The following FILIP1L variants were observed in gnomAD, a reference collection of about 807,000 sequenced individuals.
The protein encoded by FILIP1L is filamin A-interacting protein 1-like.
A neutral mutation model predicts 96.6 loss-of-function variants in FILIP1L; 55 were observed. The ratio of observed to expected loss-of-function variants is 0.57; its 90% CI spans 0.46 to 0.71. The LOEUF (loss-of-function observed/expected upper bound fraction) is 0.71, where lower values mean the gene tolerates loss of function less well. Among genes scored for constraint, FILIP1L ranks in the 30% least tolerant of loss-of-function variants. FILIP1L has a pLI of 0.00. For missense variants in FILIP1L, 1,304 were observed against 1,321.2 expected, an observed-to-expected ratio of 0.99 and a Z score of 0.20; for synonymous variants, 467 against 473.9, an observed-to-expected ratio of 0.99 and a Z score of 0.19.
intron 5 of FILIP1L, among the ~76,000 whole-genome samples, chr3:99,838,561 A>G (rs931146023): frequency 1.1e-4 from 17 of 152,174 alleles, no homozygotes; most frequent in African/African-American, 3.9e-4. Context: ...ACAAGGAGGT[A>G]ACATTAGACA....
chr3:100,021,915 TTGTGTGTGTGTGTGTGTG>T (rs61704772), intron 1 of FILIP1L, among the ~76,000 whole-genome samples: 1 of 105,958 alleles, frequency 9.4e-6, no homozygotes, highest in African/African-American at 4.0e-5. Flanking sequence ...CTAGATCCCA[TTGTGTGTGTGTGTGTGTG>T]TGTGTGTGTG....
At chr3:99,876,088 GGGGCCGGGCGGGGGCC>G in intron 4 of FILIP1L, 1 of 986,232 alleles carries the variant, frequency 1.0e-6, no homozygotes, top group Non-Finnish European at 1.2e-6. Flanking sequence ...TGCCTGCGCC[GGGGCCGGGCGGGGGCC>G]GGGCCGGGGC....
intron 1 of FILIP1L, among the ~76,000 whole-genome samples, chr3:100,021,423 G>T (rs545739217): frequency 6.6e-6 from 1 of 152,292 alleles, no homozygotes; most frequent in South Asian, 2.1e-4. Context: ...ACAGCATTAA[G>T]CAAGACACTT....
At chr3:100,058,481 C>A (rs547208536) in intron 1 of FILIP1L, among the ~76,000 whole-genome samples, 1 of 152,324 alleles carries the variant, frequency 6.6e-6, no homozygotes, top group East Asian at 1.9e-4. Flanking sequence ...ACAAGCTTCC[C>A]ATTGATGACC....
chr3:99,988,455 T>G (rs1295463763), intron 1 of FILIP1L, among the ~76,000 whole-genome samples: 5 of 133,830 alleles, frequency 3.7e-5, no homozygotes, highest in African/African-American at 1.5e-4. Context: ...GAGGTTGCAG[T>G]GAGCCGAGAT....
At chr3:99,884,172 C>G (rs1311512963) in intron 4 of FILIP1L, among the ~76,000 whole-genome samples, 1 of 152,122 alleles carries the variant, frequency 6.6e-6, no homozygotes, top group African/African-American at 2.4e-5. Context: ...GGGAAAAGCT[C>G]AAGCCAGAAT....
At chr3:100,019,246 G>A (rs748037099) in intron 1 of FILIP1L, among the ~76,000 whole-genome samples, 1 of 152,158 alleles carries the variant, frequency 6.6e-6, no homozygotes, top group African/African-American at 2.4e-5. Context: ...TCTAGTTTCA[G>A]CTACTCGGGA....
At chr3:99,833,342 T>G (rs2107489015) in intron 5 of FILIP1L, 3 of 1,237,794 alleles carry the variant, frequency 2.4e-6, no homozygotes, top group East Asian at 4.8e-5. Flanking sequence ...TATCCATAGA[T>G]TCTCAAAAGA....
At chr3:99,838,143 A>C (rs1942974633) in intron 5 of FILIP1L, among the ~76,000 whole-genome samples, 1 of 152,216 alleles carries the variant, frequency 6.6e-6, no homozygotes, top group Non-Finnish European at 1.5e-5. Context: ...CTTAGGATAA[A>C]GTGGACACTG....
chr3:99,905,614 G>A (rs1396408045), intron 4 of FILIP1L, among the ~76,000 whole-genome samples: 2 of 152,122 alleles, frequency 1.3e-5, no homozygotes, highest in Non-Finnish European at 2.9e-5. Flanking sequence ...TTTTACATAT[G>A]TGTGTACTAT....
chr3:99,986,830 C>G (rs1479742658), intron 1 of FILIP1L, among the ~76,000 whole-genome samples: 1 of 152,132 alleles, frequency 6.6e-6, no homozygotes, highest in Non-Finnish European at 1.5e-5. Flanking sequence ...GTACAGAGGA[C>G]AACCCTCCAC....
At position 100,075,901 on chromosome 3, in the gene FILIP1L, G is replaced by A. The variant is rs143764351; in HGVS notation, c.-11+38152C>T. Among the ~76,000 whole-genome samples, 849 of 152,230 alleles carry A rather than the reference G, an allele frequency of 5.6e-3. 4 individuals carry two copies. The highest frequency in any genetic ancestry group is 0.02 in the African/African-American group (817 of 41,546). On this transcript the variant is annotated intron_variant, in intron 1 of 5. Coordinates refer to ENST00000477258, the MANE Select transcript of FILIP1L (RefSeq NM_001387850.1). ...TAATCCTTCTGGGGTATTAGGATTC[G>A]ATTCAGGAGAGCTGAGTTGGAGCCT...
chr3:100,035,509 C>T (rs893034706), intron 1 of FILIP1L, among the ~76,000 whole-genome samples: 6 of 152,058 alleles, frequency 3.9e-5, no homozygotes, highest in South Asian at 2.1e-4. Context: ...CTGATCCACC[C>T]GCCTCAGCCT....
chr3:99,869,573 A>G (rs793502), intron 4 of FILIP1L, among the ~76,000 whole-genome samples: 77,424 of 151,900 alleles, frequency 0.51, 20,199 homozygotes, highest in African/African-American at 0.6. Context: ...GACTTCCACA[A>G]TATCTCACTG....
chr3:100,077,134 G>C (rs1195920992), intron 1 of FILIP1L, among the ~76,000 whole-genome samples: 1 of 152,234 alleles, frequency 6.6e-6, no homozygotes, highest in Non-Finnish European at 1.5e-5. Flanking sequence ...TGAAAGAAGA[G>C]TGGATGCTTG....
chr3:99,996,177 A>C (rs1302356649), intron 1 of FILIP1L, among the ~76,000 whole-genome samples: 1 of 152,110 alleles, frequency 6.6e-6, no homozygotes, highest in East Asian at 1.9e-4. Flanking sequence ...GCTGCTTAGA[A>C]ATTTCTTCCA....
chr3:100,085,034 G>A (rs1038475920), intron 1 of FILIP1L, among the ~76,000 whole-genome samples: 22 of 152,308 alleles, frequency 1.4e-4, no homozygotes, highest in African/African-American at 5.3e-4. Context: ...TTTTAAATAT[G>A]TATGTATGGT....
intron 1 of FILIP1L, among the ~76,000 whole-genome samples, chr3:100,085,118 A>C (rs1246159212): frequency 6.6e-6 from 1 of 152,228 alleles, no homozygotes; most frequent in Non-Finnish European, 1.5e-5. Context: ...GCTGCTCAAT[A>C]GAATCACAAG....
chr3:100,093,001 T>C (rs1051578407), intron 1 of FILIP1L, among the ~76,000 whole-genome samples: 2 of 152,000 alleles, frequency 1.3e-5, no homozygotes, highest in African/African-American at 2.4e-5. Context: ...GTTCCATAAA[T>C]TGAGAATTTG....
Sources: allele counts gnomAD v4.1 joint callset (sites outside exome capture counted in the v4.1 genomes callset), GRCh38; gene constraint gnomAD v4.1.1; transcripts MANE v1.5; gene names NCBI Gene and HGNC (gene_info 2026-07-23, HGNC 2026-07-21).